The following DLGAP2 variants were observed in gnomAD, a reference collection of about 807,000 sequenced individuals.
DLGAP2 encodes the protein disks large-associated protein 2.
DLGAP2 carries 26 observed loss-of-function variants against 100.3 expected under a neutral mutation model. That is an observed-to-expected ratio of 0.26 (90% CI 0.19 to 0.36). The LOEUF is 0.36. Ranked by LOEUF, DLGAP2 falls within the 10% of genes least tolerant of loss-of-function variation. The pLI is 1.00. For synonymous variants in DLGAP2, 886 were observed against 630.1 expected (o/e 1.41, Z -6.08); for missense variants, 1,858 against 1,453.2 (o/e 1.28, Z -4.53).
At chr8:1,571,992 G>C (rs111436911) in intron 6 of DLGAP2, among the ~76,000 whole-genome samples, 2 of 128,508 alleles carry the variant, frequency 1.6e-5, no homozygotes, top group African/African-American at 6.5e-5. Flanking sequence ...GGAGAGGAGA[G>C]AGGGTGAACT....
intron 3 of DLGAP2, among the ~76,000 whole-genome samples, chr8:1,374,630 A>G (rs1008160134): frequency 6.6e-6 from 1 of 152,206 alleles, no homozygotes; most frequent in African/African-American, 2.4e-5. Flanking sequence ...ATCTGCCTCA[A>G]TGTAGGAGTT....
At position 1,524,262 on chromosome 8, in the gene DLGAP2, C is replaced by A. The variant is rs534773023; in HGVS notation, c.172+22831C>A. Among the ~76,000 whole-genome samples the A allele has an allele frequency of 1.9e-3, 286 of 152,276 alleles. 1 individual carries two copies. The highest frequency in any genetic ancestry group is 3.4e-3 in the Non-Finnish European group (228 of 68,030). ...AGGAAGGGACCCTGTTCCTTGCTGT[C>A]TGTTGTCCACCAATCTCCTTAGAAG... On this transcript the variant is annotated intron_variant, in intron 4 of 14. Coordinates refer to ENST00000637795, the MANE Select transcript of DLGAP2 (RefSeq NM_001346810.2).
rs143694593 is a variant in DLGAP2 at position 835,458 on chromosome 8, C to T, written c.19-72454C>T. On this transcript the variant is annotated intron_variant, in intron 1 of 14. Coordinates refer to ENST00000637795, the MANE Select transcript of DLGAP2 (RefSeq NM_001346810.2). ...ATTCCCCACTGTGCTCCACGCCGCC[C>T]CCTAGAATGCTCCCCACCCCACCCC... 2.1e-3 allele frequency among the ~76,000 whole-genome samples: 325 copies of T among 152,002 alleles called. 1 individual carries two copies. The highest frequency in any genetic ancestry group is 6.7e-3 in the African/African-American group (279 of 41,454).
Position 1,253,851 on chromosome 8 carries a change from A to G in DLGAP2, c.74-5000A>G, listed in dbSNP as rs375173197. 1.5e-3 allele frequency among the ~76,000 whole-genome samples: 221 copies of G among 152,328 alleles called. 1 individual carries two copies. Among genetic ancestry groups the G allele is most frequent in the African/African-American group, 5.3e-3 (219 of 41,572 alleles). On this transcript the variant is annotated intron_variant, in intron 2 of 14. Coordinates refer to ENST00000637795, the MANE Select transcript of DLGAP2 (RefSeq NM_001346810.2). ...ATGGGTGTTCCTTGGGGAAGAATTC[A>G]TTGAAAGGGTCCGTGCTGCTGTGAG...
At chr8:1,137,673 A>G (rs779587323) in intron 2 of DLGAP2, 1 of 152,214 alleles carries the variant, frequency 6.6e-6, no homozygotes, top group South Asian at 2.1e-4. Context: ...AAATAAGAAC[A>G]TGGGCTGCAA....
chr8:1,356,999 GGGTA>G (rs1801869127), intron 3 of DLGAP2, among the ~76,000 whole-genome samples: 3 of 150,820 alleles, frequency 2.0e-5, no homozygotes, highest in African/African-American at 7.3e-5. Context: ...ACACACAGCG[GGGTA>G]GGGCTCAGAG....
intron 2 of DLGAP2, among the ~76,000 whole-genome samples, chr8:1,037,822 A>C (rs1054636750): frequency 3.3e-5 from 5 of 152,196 alleles, no homozygotes; most frequent in African/African-American, 1.2e-4. Flanking sequence ...AATATGTGTC[A>C]GAATCACCCT....
chr8:1,357,773 G>C (rs1801890335), intron 3 of DLGAP2, among the ~76,000 whole-genome samples: 1 of 152,222 alleles, frequency 6.6e-6, no homozygotes, highest in African/African-American at 2.4e-5. Flanking sequence ...GTTCTGAGCA[G>C]CCTCGTAGTG....
intron 3 of DLGAP2, among the ~76,000 whole-genome samples, chr8:1,364,726 C>T (rs1406415878): frequency 3.9e-5 from 6 of 152,184 alleles, no homozygotes; most frequent in Non-Finnish European, 5.9e-5. Context: ...GAGACAGGCC[C>T]GAACTCAGCC....
In DLGAP2 at chr8:1,668,912, A is replaced by T. The variant is rs1585047862; in HGVS notation, c.2160+234A>T. Among the ~76,000 whole-genome samples, 4 of 151,772 alleles carry T rather than the reference A, an allele frequency of 2.6e-5. No homozygotes were observed. The South Asian group carries it at 8.3e-4, about 32-fold the overall frequency. ...CCCAGTGCAGGGCTGAAGGAAACCC[A>T]GGGGTTCCAGCTCCCTGTCCCCTGC... On this transcript the variant is annotated intron_variant, in intron 9 of 14. Coordinates refer to ENST00000637795, the MANE Select transcript of DLGAP2 (RefSeq NM_001346810.2).
In DLGAP2 at chr8:1,469,708, T is replaced by C. The variant is rs151082375; in HGVS notation, c.107-31658T>C. On this transcript the variant is annotated intron_variant, in intron 3 of 14. Coordinates refer to ENST00000637795, the MANE Select transcript of DLGAP2 (RefSeq NM_001346810.2). ...GCACGTGCCTGAGAATTCTTTTTTG[T>C]ATTAAATTTATTATTTGTTGCCCTA... Among the ~76,000 whole-genome samples the C allele has an allele frequency of 4.7e-4, 72 of 152,304 alleles. No individual in the cohort carries two copies. In the East Asian group the frequency reaches 6.6e-3, roughly 14 times the overall value.
At chr8:1,267,566 A>AAT (rs1799482922) in intron 3 of DLGAP2, among the ~76,000 whole-genome samples, 1 of 46,890 alleles carries the variant, frequency 2.1e-5, no homozygotes, top group African/African-American at 1.0e-4. Flanking sequence ...CTCAAAATAA[A>AAT]ATAAAATAAA....
chr8:1,045,283 A>T (rs529044449), intron 2 of DLGAP2, among the ~76,000 whole-genome samples: 1 of 152,332 alleles, frequency 6.6e-6, no homozygotes, highest in South Asian at 2.1e-4. Flanking sequence ...GTCAGCATTA[A>T]ATGAGTGAGT....
At chr8:785,307 C>G (rs1335966759) in intron 1 of DLGAP2, among the ~76,000 whole-genome samples, 2 of 146,982 alleles carry the variant, frequency 1.4e-5, no homozygotes, top group African/African-American at 5.0e-5. Context: ...AGCCAAAGCT[C>G]TGGGCGATTC....
chr8:1,690,877 G>C (rs895633523), intron 12 of DLGAP2, among the ~76,000 whole-genome samples: 2 of 152,086 alleles, frequency 1.3e-5, no homozygotes, highest in African/African-American at 4.8e-5. Context: ...GGATTGGTGA[G>C]TTTAGTAGCT....
Position 1,031,164 on chromosome 8 carries a change from C to T in DLGAP2, c.73+123198C>T, listed in dbSNP as rs80041791. On this transcript the variant is annotated intron_variant, in intron 2 of 14. Coordinates refer to ENST00000637795, the MANE Select transcript of DLGAP2 (RefSeq NM_001346810.2). The stretch of plus-strand genomic sequence containing the variant: ...CAATTTTGTTTTTGTGTCATGATGC[C>T]GCCTGTGCCTCACCCAATACGTACA... Among the ~76,000 whole-genome samples the T allele has an allele frequency of 9.2e-5, 14 of 152,122 alleles. No individual in the cohort carries two copies. In the East Asian group the frequency reaches 1.9e-3, roughly 21 times the overall value.
intron 6 of DLGAP2, 100 bp downstream of exon 6, chr8:1,565,994 A>C: frequency 9.7e-7 from 1 of 1,034,750 alleles, no homozygotes; most frequent in Non-Finnish European, 1.3e-6. Context: ...CCATCCATTT[A>C]AACTAAATTG....
intron 2 of DLGAP2, among the ~76,000 whole-genome samples, chr8:1,076,567 C>A (rs1472577797): frequency 6.6e-6 from 1 of 152,238 alleles, no homozygotes; most frequent in Non-Finnish European, 1.5e-5. Context: ...CGGCTCAGCC[C>A]CTCTCTTGAG....
At chr8:1,376,355 A>G (rs986180369) in intron 3 of DLGAP2, among the ~76,000 whole-genome samples, 12 of 152,320 alleles carry the variant, frequency 7.9e-5, no homozygotes, top group Non-Finnish European at 8.8e-5. Flanking sequence ...GTCCCTCTAG[A>G]GAGCATCGGC....
Sources: gnomAD v4.1 joint callset for allele counts (sites outside exome capture counted in the v4.1 genomes callset) on GRCh38, gnomAD v4.1.1 for gene constraint, MANE v1.5 for transcripts, NCBI Gene and HGNC (gene_info 2026-07-23, HGNC 2026-07-21) for gene names.